The following GRXCR1 variants were observed in gnomAD, a reference collection of about 807,000 sequenced individuals.
GRXCR1 encodes glutaredoxin and cysteine rich domain containing 1, also known as glutaredoxin domain-containing cysteine-rich protein 1.
A neutral mutation model predicts 27.3 loss-of-function variants in GRXCR1; 27 were observed. The ratio of observed to expected loss-of-function variants is 0.99; its 90% confidence interval spans 0.73 to 1.37. The LOEUF is 1.37. Among genes scored for constraint, GRXCR1 ranks in the 40% most tolerant of loss-of-function variants. The pLI is 0.00. For synonymous variants in GRXCR1, 122 were observed against 131.1 expected (o/e 0.93, Z 0.47); for missense variants, 379 against 354.4 (o/e 1.07, Z -0.56).
chr4:42,902,604 C>T (rs1331897292), intron 1 of GRXCR1, among the ~76,000 whole-genome samples: 1 of 152,076 alleles, frequency 6.6e-6, no homozygotes, highest in Non-Finnish European at 1.5e-5. Context: ...GTGCATGTAT[C>T]TTTGTAATGG....
chr4:42,997,203 G>A (rs953831423), intron 2 of GRXCR1, among the ~76,000 whole-genome samples: 2 of 152,120 alleles, frequency 1.3e-5, no homozygotes, highest in Admixed American at 6.5e-5. Flanking sequence ...TCTTAAAATA[G>A]ATTACTGAAA....
intron 1 of GRXCR1, among the ~76,000 whole-genome samples, chr4:42,945,368 A>C (rs558319422): frequency 3.9e-4 from 59 of 152,312 alleles, no homozygotes; most frequent in African/African-American, 1.3e-3. Context: ...ATGTAAATAA[A>C]TCATGGATAT....
intron 2 of GRXCR1, among the ~76,000 whole-genome samples, chr4:42,973,481 T>C (rs1291843585): frequency 6.6e-6 from 1 of 152,064 alleles, no homozygotes; most frequent in Non-Finnish European, 1.5e-5. Flanking sequence ...TGTTTTTTTT[T>C]TCTTGACATT....
chr4:43,030,250 T>C, intron 3 of GRXCR1, 111 bp from the exon 4 acceptor site: 3 of 903,512 alleles, frequency 3.3e-6, no homozygotes, highest in Non-Finnish European at 5.5e-6. Flanking sequence ...AGCCATATTA[T>C]GCCAATATTG....
At chr4:43,012,397 G>T (rs978159985) in intron 2 of GRXCR1, among the ~76,000 whole-genome samples, 6 of 152,042 alleles carry the variant, frequency 3.9e-5, no homozygotes, top group South Asian at 4.2e-4. Context: ...CATTCCCCTT[G>T]TTTTTTTCTA....
intron 1 of GRXCR1, among the ~76,000 whole-genome samples, chr4:42,935,677 T>C (rs1747439105): frequency 6.6e-6 from 1 of 151,890 alleles, no homozygotes; most frequent in Admixed American, 6.6e-5. Flanking sequence ...CAACGAAGGA[T>C]AAACAGGCTG....
chr4:43,021,928 G>A (rs1713104952), intron 3 of GRXCR1, among the ~76,000 whole-genome samples: 1 of 152,116 alleles, frequency 6.6e-6, no homozygotes, highest in South Asian at 2.1e-4. Flanking sequence ...GCTTCTGGCT[G>A]TGTGACTTTG....
intron 2 of GRXCR1, among the ~76,000 whole-genome samples, chr4:42,991,657 T>A (rs1489899047): frequency 1.3e-5 from 2 of 152,168 alleles, no homozygotes; most frequent in African/African-American, 4.8e-5. Context: ...TATGGCTCAG[T>A]ATTTCTTGTG....
chr4:42,905,448 A>G (rs1192290508), intron 1 of GRXCR1, among the ~76,000 whole-genome samples: 1 of 152,230 alleles, frequency 6.6e-6, no homozygotes, highest in African/African-American at 2.4e-5. Flanking sequence ...TTCTGCTATG[A>G]GCCACACGGT....
At chr4:42,905,466 T>C (rs1214248910) in intron 1 of GRXCR1, among the ~76,000 whole-genome samples, 1 of 152,234 alleles carries the variant, frequency 6.6e-6, no homozygotes, top group African/African-American at 2.4e-5. Flanking sequence ...GGTGGACTGC[T>C]AGACATGGCT....
chr4:42,956,266 A>C (rs1244903233), intron 1 of GRXCR1, among the ~76,000 whole-genome samples: 1 of 152,070 alleles, frequency 6.6e-6, no homozygotes, highest in Non-Finnish European at 1.5e-5. Flanking sequence ...TCAGAGCTGG[A>C]GGCTGCAGAC....
intron 1 of GRXCR1, among the ~76,000 whole-genome samples, chr4:42,939,018 G>T (rs1469909481): frequency 6.6e-6 from 1 of 151,930 alleles, no homozygotes; most frequent in Non-Finnish European, 1.5e-5. Context: ...ATAAATTTTA[G>T]AATTGCTTTT....
intron 1 of GRXCR1, among the ~76,000 whole-genome samples, chr4:42,947,818 T>G (rs1215484880): frequency 6.6e-6 from 1 of 152,206 alleles, no homozygotes; most frequent in Non-Finnish European, 1.5e-5. Flanking sequence ...GAATATACAA[T>G]CAATAATAAA....
intron 2 of GRXCR1, among the ~76,000 whole-genome samples, chr4:42,976,789 T>C (rs11947299): frequency 0.031 from 4,654 of 152,138 alleles, 80 homozygotes; most frequent in South Asian, 0.058. Context: ...TAACATAGCA[T>C]TATCTCACAT....
chr4:42,997,585 G>A (rs549480719), intron 2 of GRXCR1, among the ~76,000 whole-genome samples: 240 of 152,278 alleles, frequency 1.6e-3, no homozygotes, highest in Middle Eastern at 0.01. Flanking sequence ...GATTGCAAAT[G>A]AGTCTTGAAT....
chr4:42,928,093 C>T (rs1747214565), intron 1 of GRXCR1, among the ~76,000 whole-genome samples: 1 of 151,924 alleles, frequency 6.6e-6, no homozygotes, highest in Non-Finnish European at 1.5e-5. Context: ...CATTAACTCT[C>T]CAGAATTCCA....
intron 1 of GRXCR1, among the ~76,000 whole-genome samples, chr4:42,905,111 G>C (rs933923061): frequency 2.6e-5 from 4 of 152,138 alleles, no homozygotes; most frequent in Admixed American, 6.6e-5. Flanking sequence ...GTTGTCTTGC[G>C]GCCAATTCCT....
At chr4:43,015,479 C>T (rs1438752338) in intron 2 of GRXCR1, among the ~76,000 whole-genome samples, 1 of 151,774 alleles carries the variant, frequency 6.6e-6, no homozygotes, top group Non-Finnish European at 1.5e-5. Flanking sequence ...TTATGGTTAC[C>T]AAAAAAGCAA....
chr4:42,987,612 C>T (rs1225150629), intron 2 of GRXCR1, among the ~76,000 whole-genome samples: 1 of 151,980 alleles, frequency 6.6e-6, no homozygotes, highest in Non-Finnish European at 1.5e-5. Context: ...AAAATGTACC[C>T]TTAATTCCAT....
Sources: allele counts gnomAD v4.1 joint callset (sites outside exome capture counted in the v4.1 genomes callset), GRCh38; gene constraint gnomAD v4.1.1; transcripts MANE v1.5; gene names NCBI Gene and HGNC (gene_info 2026-07-23, HGNC 2026-07-21).